The following PCDHGA10 variants were observed in gnomAD, a reference collection of about 807,000 sequenced individuals.
The protein encoded by PCDHGA10 is protocadherin gamma-A10.
In PCDHGA10, 42 loss-of-function variants were observed where a neutral mutation model predicts 59.5. The observed-to-expected ratio is 0.71, with a 90% CI of 0.55 to 0.91. The LOEUF is 0.91. Ranked by LOEUF, PCDHGA10 falls within the 40% of genes least tolerant of loss-of-function variation. The pLI is 0.00. For missense variants in PCDHGA10, 1,111 were observed against 1,198.2 expected (o/e 0.93, Z 1.07); for synonymous variants, 511 against 517.2 (o/e 0.99, Z 0.16).
intron 2 of PCDHGA10, among the ~76,000 whole-genome samples, chr5:141,498,747 C>T (rs1363145286): frequency 6.6e-6 from 1 of 152,106 alleles, no homozygotes; most frequent in Non-Finnish European, 1.5e-5. Context: ...GCCTGGCCAA[C>T]ATGATGAAAC....
intron 1 of PCDHGA10, among the ~76,000 whole-genome samples, chr5:141,452,745 GGAA>G (rs2098748194): frequency 6.6e-6 from 1 of 152,054 alleles, no homozygotes; most frequent in Non-Finnish European, 1.5e-5. Flanking sequence ...AGAGAGAGAA[GGAA>G]GAAGGAAGGG....
At chr5:141,475,329 A>G (rs1229101617) in intron 1 of PCDHGA10, among the ~76,000 whole-genome samples, 1 of 152,266 alleles carries the variant, frequency 6.6e-6, no homozygotes, top group Non-Finnish European at 1.5e-5. Context: ...AATGAGAGCT[A>G]ACAATGACAT....
chr5:141,461,429 T>A lies in PCDHGA10; in HGVS notation c.2437-33378T>A, dbSNP rs193056679. On this transcript the variant is annotated intron_variant, in intron 1 of 3. Coordinates refer to ENST00000398610, the MANE Select transcript of PCDHGA10 (RefSeq NM_018913.3). The stretch of plus-strand genomic sequence containing the variant: ...TTTTCATATGTTTGTGGGCCATTTG[T>A]ATACCTTCTTTTGAGAAATGGCTAT... Among the ~76,000 whole-genome samples the A allele has an allele frequency of 5.6e-4, 85 of 152,328 alleles. 1 individual carries two copies. The highest frequency in any genetic ancestry group is 1.5e-3 in the African/African-American group (64 of 41,580).
rs1349224471 is a variant in PCDHGA10 at position 141,415,123 on chromosome 5, G to A, written c.1948G>A (p.Val650Ile). 1.9e-6 allele frequency: 3 copies of A among 1,613,540 alleles called. No individual in the cohort carries two copies. The highest frequency in any genetic ancestry group is 1.3e-5 in the African/African-American group (1 of 74,954). Residue 650 changes from valine to isoleucine, a missense_variant, in exon 1 of 4, where the codon GTC (valine) becomes ATC (isoleucine). Transcript: ENST00000398610. ...DALKQSLVVA[V>I]QDHGQPPLSA... The stretch of plus-strand genomic sequence containing the variant: ...GCTCAAGCAAAGCCTCGTAGTGGCC[G>A]TCCAGGACCACGGCCAGCCCCCTCT...
intron 1 of PCDHGA10, chr5:141,479,494 G>C (rs747201739): frequency 2.6e-5 from 4 of 152,256 alleles, no homozygotes; most frequent in Non-Finnish European, 5.9e-5. Flanking sequence ...CCATCAGGTT[G>C]CCTAAAGAGG....
At chr5:141,424,628 A>C (rs962512805) in intron 1 of PCDHGA10, 3 of 152,348 alleles carry the variant, frequency 2.0e-5, no homozygotes, top group African/African-American at 7.2e-5. Flanking sequence ...GTTTGTGAAT[A>C]TATAAATAGA....
Position 141,420,431 on chromosome 5 carries a change from A to G in PCDHGA10, c.2436+4820A>G, listed in dbSNP as rs183252328. 8.4e-5 allele frequency: 96 copies of G among 1,148,758 alleles called. No individual in the cohort carries two copies. In the African/African-American group the frequency reaches 1.3e-3, roughly 16 times the overall value. The allele number at this position is 1,148,758 out of a possible 1,614,324, so 71.2% of individuals were successfully genotyped here. Reference sequence around the variant, plus strand: ...TATCATTATTAAAACAAAAGTTTAAATTAAATGCCTCAGTCTTCCTACTAT... The same window carrying G: ...TATCATTATTAAAACAAAAGTTTAAGTTAAATGCCTCAGTCTTCCTACTAT... On this transcript the variant is annotated intron_variant, in intron 1 of 3. Transcript: ENST00000398610.
intron 1 of PCDHGA10, chr5:141,478,242 T>C (rs750487479): frequency 6.2e-7 from 1 of 1,614,156 alleles, no homozygotes; most frequent in Admixed American, 1.7e-5. Context: ...GTGGTCACAG[T>C]GTTCGGAGTA....
intron 1 of PCDHGA10, among the ~76,000 whole-genome samples, chr5:141,444,770 C>A (rs1382748105): frequency 2.6e-5 from 4 of 152,078 alleles, no homozygotes; most frequent in African/African-American, 9.7e-5. Context: ...TTTCTATATT[C>A]TTGATCATGT....
chr5:141,470,622 A>G (rs1323376824), intron 1 of PCDHGA10, among the ~76,000 whole-genome samples: 6 of 152,336 alleles, frequency 3.9e-5, no homozygotes, highest in Admixed American at 6.5e-5. Flanking sequence ...CTTCATGCTT[A>G]GATAGGCCCC....
At chr5:141,473,738 C>T (rs755682627) in intron 1 of PCDHGA10, among the ~76,000 whole-genome samples, 2 of 152,310 alleles carry the variant, frequency 1.3e-5, no homozygotes, top group Non-Finnish European at 2.9e-5. Flanking sequence ...AGGGAGAAGA[C>T]ATGAGAACTT....
At chr5:141,418,065 G>T in intron 1 of PCDHGA10, 1 of 1,614,064 alleles carries the variant, frequency 6.2e-7, no homozygotes, top group East Asian at 2.2e-5. Context: ...CTGCGAGTGA[G>T]CGCGGAGAAG....
rs372484037 is a variant in PCDHGA10, at chr5:141,414,787, G to T, written c.1612G>T (p.Ala538Ser). Residue 538 changes from alanine (A) to serine (S), a missense_variant, in exon 1 of 4, where the codon GCC (alanine) becomes TCC (serine). Coordinates refer to ENST00000398610, the MANE Select transcript of PCDHGA10 (RefSeq NM_018913.3). ...TCATGAGCTACAGATGCAGGTGACA[G>T]CCAGCGACAGCGGGGATCCTCCACT... ...QFHELQMQVT[A>S]SDSGDPPLSS... 6.2e-7 allele frequency: 1 copy of T among 1,614,230 alleles called. No individual in the cohort carries two copies. The highest frequency in any genetic ancestry group is 1.7e-5 in the Admixed American group (1 of 60,024).
intron 1 of PCDHGA10, chr5:141,433,018 T>C: frequency 6.2e-7 from 1 of 1,614,120 alleles, no homozygotes. Flanking sequence ...TGCAGACCTA[T>C]TCCCACGAGG....
intron 1 of PCDHGA10, among the ~76,000 whole-genome samples, chr5:141,449,056 G>A (rs149442150): frequency 6.6e-6 from 1 of 152,068 alleles, no homozygotes; most frequent in African/African-American, 2.4e-5. Flanking sequence ...TCATAAATGA[G>A]CGCTATTGAA....
chr5:141,475,049 A>G (rs553607902), intron 1 of PCDHGA10, among the ~76,000 whole-genome samples: 81 of 152,346 alleles, frequency 5.3e-4, no homozygotes, highest in African/African-American at 1.8e-3. Context: ...TGTATTTTCT[A>G]AAGATTTGTG....
intron 1 of PCDHGA10, chr5:141,484,949 A>G: frequency 1.8e-6 from 1 of 557,402 alleles, no homozygotes; most frequent in East Asian, 3.1e-5. Flanking sequence ...TGCTCAGCCT[A>G]TTGGCTGAGC....
intron 1 of PCDHGA10, chr5:141,419,876 C>T (rs1219393740): frequency 1.4e-5 from 23 of 1,614,084 alleles, no homozygotes; most frequent in Non-Finnish European, 1.9e-5. Flanking sequence ...AGAGGTACTG[C>T]CGGATTTCAG....
chr5:141,431,126 G>A lies in PCDHGA10; in HGVS notation c.2436+15515G>A, dbSNP rs2097344901. The A allele has an allele frequency of 2.5e-6, 4 of 1,614,114 alleles. No individual in the cohort carries two copies. Among genetic ancestry groups the A allele is most frequent in the Non-Finnish European group, 3.4e-6 (4 of 1,180,038 alleles). On this transcript the variant is annotated intron_variant, in intron 1 of 3. Coordinates refer to ENST00000398610, the MANE Select transcript of PCDHGA10 (RefSeq NM_018913.3). The surrounding 1 kb of genome is among the most constrained non-coding windows in gnomAD (Gnocchi z 4.8). ...GAAAATATATGGAGTAGAAGTAGAA[G>A]TAAGGGACATTAACGACAATGCGCC... is the stretch of plus-strand genomic sequence containing the variant.
Sources: allele counts gnomAD v4.1 joint callset (sites outside exome capture counted in the v4.1 genomes callset), GRCh38; gene constraint gnomAD v4.1.1; non-coding constraint Gnocchi (gnomAD v3.1); transcripts MANE v1.5; gene names NCBI Gene and HGNC (gene_info 2026-07-23, HGNC 2026-07-21).